The following CACNA1G variants were observed in gnomAD, a reference collection of about 807,000 sequenced individuals.
CACNA1G encodes calcium voltage-gated channel subunit alpha1 G.
CACNA1G carries 67 observed loss-of-function variants against 219.4 expected under a neutral mutation model. The observed-to-expected ratio is 0.31, with a 90% CI of 0.25 to 0.37. The LOEUF (loss-of-function observed/expected upper bound fraction) is 0.37, where lower values mean the gene tolerates loss of function less well. Ranked by LOEUF, CACNA1G falls within the 10% of genes least tolerant of loss-of-function variation. The pLI is 1.00. For synonymous variants in CACNA1G, 1,296 were observed against 1,345.3 expected (o/e 0.96, Z 0.80); for missense variants, 2,380 against 3,231.4 (o/e 0.74, Z 6.39).
Position 50,591,511 on chromosome 17 carries a change from C to T in CACNA1G, c.2530C>T (p.Leu844=), listed in dbSNP as rs777954905. The change falls in exon 11 of 38, where the codon CTG becomes TTG. Residue 844 remains leucine (L), a synonymous_variant. Coordinates refer to ENST00000359106, the MANE Select transcript of CACNA1G (RefSeq NM_018896.5). The part of the protein sequence containing the change: ...RTFRLMRVLK[L]VRFLPALQRQ... ...CTTCCGCCTGATGCGTGTGCTGAAG[C>T]TGGTGCGCTTCCTGCCGGCGCTGCA... The T allele has an allele frequency of 6.2e-7, 1 of 1,610,472 alleles. No individual in the cohort carries two copies. The highest frequency in any genetic ancestry group is 8.5e-7 in the Non-Finnish European group (1 of 1,178,670).
chr17:50,571,809 C>T lies in CACNA1G; in HGVS notation c.587-69C>T. 2 of 1,563,752 alleles carry T rather than the reference C, an allele frequency of 1.3e-6. No homozygotes were observed. Among genetic ancestry groups the T allele is most frequent in the Admixed American group, 3.4e-5 (2 of 59,576 alleles). On this transcript the variant is annotated intron_variant, in intron 4 of 37. Transcript: ENST00000359106. The surrounding 1 kb of genome is among the most constrained non-coding windows in gnomAD (Gnocchi z 4.3). ...CCCTGGTGGGGCCCCTCCGGGAGTG[C>T]TGCCGGGCCGTGGCAGTCAGCCTAG...
chr17:50,623,236 C>T (rs1054555741), intron 35 of CACNA1G, among the ~76,000 whole-genome samples: 3 of 141,934 alleles, frequency 2.1e-5, no homozygotes, highest in African/African-American at 7.9e-5. Context: ...GCTGGGATTA[C>T]AGGTGCCACG....
At position 50,595,000 on chromosome 17, in the gene CACNA1G, G is replaced by T; in HGVS notation, c.2918G>T (p.Ser973Ile). Residue 973 changes from serine (S) to isoleucine (I), a missense_variant, in exon 14 of 38, where the codon AGC (serine) becomes ATC (isoleucine). Physicochemically the swap from Ser to Ile is moderately radical, Grantham distance 142. Around this residue, in one of 17 missense-constraint regions of CACNA1G, gnomAD observed 418 missense variants for 434.3 expected, o/e 0.96. Coordinates refer to ENST00000359106, the MANE Select transcript of CACNA1G (RefSeq NM_018896.5). Reference sequence around the variant, plus strand: ...CTCCCCCTTTCCCTGTAGGAAATCAGCAAACGGGAAGATGCGAGTGGACAG... The same window carrying T: ...CTCCCCCTTTCCCTGTAGGAAATCATCAAACGGGAAGATGCGAGTGGACAG... ...LVEGFQAEEI[S>I]KREDASGQLS... The T allele has an allele frequency of 6.4e-7, 1 of 1,553,880 alleles. No individual in the cohort carries two copies. The highest frequency in any genetic ancestry group is 1.2e-5 in the South Asian group (1 of 84,306).
chr17:50,612,790 G>A (rs2049513214), intron 26 of CACNA1G, among the ~76,000 whole-genome samples: 1 of 152,230 alleles, frequency 6.6e-6, no homozygotes, highest in African/African-American at 2.4e-5. Context: ...TCCCCCCACT[G>A]TCTGACTCTG....
intron 17 of CACNA1G, 127 bp downstream of exon 17, chr17:50,599,986 C>T: frequency 1.1e-6 from 1 of 934,296 alleles, no homozygotes; most frequent in Non-Finnish European, 1.6e-6. Flanking sequence ...CACCTAGAAA[C>T]CGAGCTCCAA....
intron 26 of CACNA1G, among the ~76,000 whole-genome samples, chr17:50,610,283 T>C (rs1345370639): frequency 6.6e-6 from 1 of 152,158 alleles, no homozygotes; most frequent in Non-Finnish European, 1.5e-5. Flanking sequence ...TCCTGTCTCC[T>C]TTTGTCTGAG....
intron 9 of CACNA1G, among the ~76,000 whole-genome samples, 179 bp from the exon 10 acceptor site, chr17:50,590,292 G>A (rs1568057526): frequency 6.6e-6 from 1 of 152,124 alleles, no homozygotes; most frequent in Non-Finnish European, 1.5e-5. Context: ...CTGCCCCTGG[G>A]TGCATTTCCT....
chr17:50,579,653 G>T (rs929128628), intron 9 of CACNA1G, among the ~76,000 whole-genome samples: 1 of 152,152 alleles, frequency 6.6e-6, no homozygotes, highest in African/African-American at 2.4e-5. Context: ...GGCCTCCCTG[G>T]GGTAGCACGG....
At chr17:50,572,910 C>G (rs1024911522) in intron 6 of CACNA1G, 56 bp downstream of exon 6, 6 of 1,588,366 alleles carry the variant, frequency 3.8e-6, no homozygotes, top group Non-Finnish European at 3.4e-6. Context: ...AGGACACAGC[C>G]CAGGATCGGA....
chr17:50,622,145 G>A (rs1299541481), intron 35 of CACNA1G, among the ~76,000 whole-genome samples: 2 of 151,952 alleles, frequency 1.3e-5, no homozygotes, highest in Non-Finnish European at 2.9e-5. Context: ...CCCTGTGCAA[G>A]CCAGCCCTCC....
intron 26 of CACNA1G, among the ~76,000 whole-genome samples, chr17:50,614,285 C>A (rs1355110343): frequency 6.6e-6 from 1 of 152,236 alleles, no homozygotes; most frequent in Non-Finnish European, 1.5e-5. Context: ...GCTCAGGCCT[C>A]AGAGGCGGCA....
In CACNA1G at chr17:50,609,911, G is replaced by A. The variant is rs775456459; in HGVS notation, c.4735G>A (p.Gly1579Ser). Residue 1579 changes from glycine (G) to serine (S), a missense_variant, in exon 26 of 38, where the codon GGC becomes AGC. Physicochemically the swap from Gly to Ser is moderately conservative, Grantham distance 56 (BLOSUM62 0). Around this residue, in one of 17 missense-constraint regions of CACNA1G, gnomAD observed 58 missense variants for 71.3 expected, o/e 0.81. Coordinates refer to ENST00000359106, the MANE Select transcript of CACNA1G (RefSeq NM_018896.5). Reference protein sequence around the residue: ...NLMLDDVIASGSSASAASEAQ... With the variant: ...NLMLDDVIASSSSASAASEAQ... ...AATGCTGGACGATGTAATTGCTTCC[G>A]GCAGCTCAGCCAGCGCTGCGTCAGG... 1.6e-5 allele frequency: 25 copies of A among 1,611,230 alleles called. No homozygotes were observed. The highest frequency in any genetic ancestry group is 1.6e-5 in the Non-Finnish European group (19 of 1,179,792).
chr17:50,607,404 G>T (rs1355900857), intron 24 of CACNA1G: 6 of 350,380 alleles, frequency 1.7e-5, no homozygotes, highest in Admixed American at 4.1e-5. Flanking sequence ...GAGGTGGGAG[G>T]ATCTCTTGAG....
Position 50,606,340 on chromosome 17 carries a change from C to G in CACNA1G, c.4422+317C>G, listed in dbSNP as rs1598566210. The stretch of plus-strand genomic sequence containing the variant: ...CACGTGGCAGTGGGGGCAGGCAGCC[C>G]TGGATGTGAATCCTGTGCAAATCCT... On this transcript the variant is annotated intron_variant, in intron 23 of 37. Coordinates refer to ENST00000359106, the MANE Select transcript of CACNA1G (RefSeq NM_018896.5). The G allele has an allele frequency of 7.8e-6, 5 of 637,948 alleles. No homozygotes were observed. The East Asian group carries it at 1.4e-4, about 17-fold the overall frequency. 39.5% of individuals were successfully genotyped at this position (637,948 alleles called of 1,614,324 possible).
At chr17:50,582,689 C>T (rs894795964) in intron 9 of CACNA1G, among the ~76,000 whole-genome samples, 2 of 151,656 alleles carry the variant, frequency 1.3e-5, no homozygotes, top group Middle Eastern at 3.4e-3. Flanking sequence ...TTCCTAACAT[C>T]TCCTTCCTGG....
Position 50,596,928 on chromosome 17 carries a change from G to C in CACNA1G, c.3258+5G>C. The C allele has an allele frequency of 6.5e-7, 1 of 1,546,538 alleles. No individual in the cohort carries two copies. Among genetic ancestry groups the C allele is most frequent in the Non-Finnish European group, 8.7e-7 (1 of 1,145,962 alleles). On this transcript the variant is annotated splice_donor_5th_base_variant and intron_variant, in intron 16 of 37. Coordinates refer to ENST00000359106, the MANE Select transcript of CACNA1G (RefSeq NM_018896.5). The surrounding 1 kb of genome is among the most constrained non-coding windows in gnomAD (Gnocchi z 4.8). The stretch of plus-strand genomic sequence containing the variant: ...GCCCACGAGATGAAGTCACCGGTAG[G>C]GGGTGCATGTGGGTACCCTGATGGT...
chr17:50,583,485 C>T (rs2042367772), intron 9 of CACNA1G, among the ~76,000 whole-genome samples: 1 of 152,164 alleles, frequency 6.6e-6, no homozygotes, highest in Non-Finnish European at 1.5e-5. Context: ...AATGTAGGTT[C>T]TGGTGGAAAA....
rs1219739208 is a variant in CACNA1G, at chr17:50,627,078, G to A, written c.*327G>A. 6.0e-6 allele frequency: 3 copies of A among 500,760 alleles called. No individual in the cohort carries two copies. The highest frequency in any genetic ancestry group is 1.9e-5 in the African/African-American group (1 of 51,796). 31.0% of individuals were successfully genotyped at this position (500,760 alleles called of 1,614,324 possible). A position where few individuals can be genotyped will look rare whatever the true frequency, so the allele number is the denominator to read the frequency against. On this transcript the variant is annotated 3_prime_UTR_variant, in exon 38 of 38. Coordinates refer to ENST00000359106, the MANE Select transcript of CACNA1G (RefSeq NM_018896.5). ...TAAATTAATTGAATCTAGTATATGC[G>A]GGATGTACGACATTTTGTGACTGAA...
At position 50,578,031 on chromosome 17, in the gene CACNA1G, C is replaced by A. The variant is rs923665305; in HGVS notation, c.1925-157C>A. ...GCATCTTGTGGGTCAAGACTGCCCA[C>A]CTTGCCTGACATTCAGCACCCCTGG... On this transcript the variant is annotated intron_variant, in intron 8 of 37. Transcript: ENST00000359106. This position sits in a 1 kb window ranked among gnomAD's most constrained non-coding sequence, Gnocchi z 4.5. 2.0e-5 allele frequency among the ~76,000 whole-genome samples: 3 copies of A among 152,202 alleles called. No homozygotes were observed. Among genetic ancestry groups the A allele is most frequent in the Non-Finnish European group, 4.4e-5 (3 of 68,030 alleles).
Sources: gnomAD v4.1 joint callset for allele counts (sites outside exome capture counted in the v4.1 genomes callset) on GRCh38, gnomAD v4.1.1 for gene constraint, gnomAD v4.1.1 regional missense constraint, Gnocchi (gnomAD v3.1) non-coding constraint, MANE v1.5 for transcripts, NCBI Gene and HGNC (gene_info 2026-07-23, HGNC 2026-07-21) for gene names.